Variants in HDAC4 observed in about 807,000 individuals in gnomAD.
HDAC4 encodes the protein histone deacetylase A.
HDAC4 carries 16 observed loss-of-function variants against 135.1 expected under a neutral mutation model. That is an observed-to-expected ratio of 0.12 (90% CI 0.08 to 0.18). The LOEUF (loss-of-function observed/expected upper bound fraction) is 0.18, where lower values mean the gene tolerates loss of function less well. Among genes scored for constraint, HDAC4 ranks in the 10% least tolerant of loss-of-function variants. The probability of loss-of-function intolerance (pLI) is 1.00; values close to 1 mark genes in which losing one functional copy is unlikely to be tolerated. For synonymous variants in HDAC4, 685 were observed against 653.4 expected (o/e 1.05, Z -0.74); for missense variants, 1,143 against 1,511.8 (o/e 0.76, Z 4.05).
chr2:239,361,036 G>A (rs1010320876), intron 1 of HDAC4, among the ~76,000 whole-genome samples: 4 of 152,106 alleles, frequency 2.6e-5, no homozygotes, highest in Admixed American at 6.5e-5. Flanking sequence ...CACCCCAGAC[G>A]CTCATTCCTG....
intron 2 of HDAC4, among the ~76,000 whole-genome samples, chr2:239,345,216 T>C (rs895894476): frequency 6.6e-6 from 1 of 152,194 alleles, no homozygotes; most frequent in Non-Finnish European, 1.5e-5. Context: ...CTTGGGTTAA[T>C]TGCAGGTCTT....
intron 11 of HDAC4, among the ~76,000 whole-genome samples, chr2:239,127,791 G>A (rs992091329): frequency 6.6e-6 from 1 of 152,224 alleles, no homozygotes; most frequent in Middle Eastern, 3.2e-3. Flanking sequence ...GACCTCCAGG[G>A]ATACCAAGGT....
chr2:239,348,188 C>T (rs1038635487), intron 2 of HDAC4, among the ~76,000 whole-genome samples: 3 of 148,742 alleles, frequency 2.0e-5, no homozygotes, highest in Non-Finnish European at 4.4e-5. Context: ...AGAGCACCAT[C>T]CCGCTGACCA....
chr2:239,072,117 C>G (rs1413156598), intron 22 of HDAC4, among the ~76,000 whole-genome samples: 1 of 152,194 alleles, frequency 6.6e-6, no homozygotes, highest in Non-Finnish European at 1.5e-5. Flanking sequence ...CCAAGCTTCA[C>G]TGTAAACTTG....
At chr2:239,357,781 C>T (rs532719587) in intron 1 of HDAC4, among the ~76,000 whole-genome samples, 1 of 148,462 alleles carries the variant, frequency 6.7e-6, no homozygotes, top group African/African-American at 2.5e-5. Context: ...CCCAGCTACT[C>T]GGGAGGCTGA....
At chr2:239,053,210 G>A in intron 26 of HDAC4, 74 bp from the exon 27 acceptor site, 3 of 1,576,156 alleles carry the variant, frequency 1.9e-6, no homozygotes, top group Non-Finnish European at 2.6e-6. Flanking sequence ...CAGAACGTGG[G>A]TTAAAGGCTG....
At chr2:239,191,001 C>A (rs1319759189) in intron 3 of HDAC4, 1 of 465,112 alleles carries the variant, frequency 2.2e-6, no homozygotes, top group East Asian at 7.0e-5. Flanking sequence ...CTGCTCCTGG[C>A]ACAGCCCAGG....
chr2:239,294,781 G>A (rs1182320147), intron 2 of HDAC4, among the ~76,000 whole-genome samples: 1 of 152,144 alleles, frequency 6.6e-6, no homozygotes, highest in Non-Finnish European at 1.5e-5. Context: ...TTCCTCATCT[G>A]TAAAATGGGG....
At chr2:239,098,964 C>G (rs1270184836) in intron 16 of HDAC4, among the ~76,000 whole-genome samples, 2 of 152,194 alleles carry the variant, frequency 1.3e-5, no homozygotes, top group Non-Finnish European at 2.9e-5. Flanking sequence ...GAATGATCAA[C>G]CTTCCTGTAA....
intron 1 of HDAC4, among the ~76,000 whole-genome samples, chr2:239,386,141 G>A (rs1282824523): frequency 6.6e-6 from 1 of 151,978 alleles, no homozygotes; most frequent in Admixed American, 6.6e-5. Context: ...AAGGAAGGCT[G>A]AGAGTCGGAG....
At chr2:239,188,605 C>T (rs926363109) in intron 4 of HDAC4, among the ~76,000 whole-genome samples, 4 of 152,252 alleles carry the variant, frequency 2.6e-5, no homozygotes, top group East Asian at 1.9e-4. Flanking sequence ...ACAGTTGCCA[C>T]GAACCACGTG....
At chr2:239,381,728 T>C (rs751392807) in intron 1 of HDAC4, among the ~76,000 whole-genome samples, 19 of 152,326 alleles carry the variant, frequency 1.2e-4, no homozygotes, top group Admixed American at 3.3e-4. Flanking sequence ...CATTGTCCCA[T>C]GTGCTGTAGA....
At chr2:239,270,364 T>A (rs1222061349) in intron 2 of HDAC4, among the ~76,000 whole-genome samples, 1 of 152,054 alleles carries the variant, frequency 6.6e-6, no homozygotes, top group African/African-American at 2.4e-5. Flanking sequence ...CCCCGATGTA[T>A]TCAACTGGAA....
At chr2:239,277,849 G>A (rs1007607985) in intron 2 of HDAC4, among the ~76,000 whole-genome samples, 4 of 152,118 alleles carry the variant, frequency 2.6e-5, no homozygotes, top group African/African-American at 9.7e-5. Flanking sequence ...CAGATCTGCC[G>A]GAAACAAATA....
At chr2:239,102,692 C>G in intron 16 of HDAC4, 84 bp downstream of exon 16, 1 of 1,533,518 alleles carries the variant, frequency 6.5e-7, no homozygotes, top group Non-Finnish European at 9.0e-7. Flanking sequence ...CACAGGTGCC[C>G]CAGACACAAG....
rs1467918756 is a variant in HDAC4, at chr2:239,134,651, C to A, written c.979-8G>T. 1.9e-6 allele frequency: 3 copies of A among 1,604,904 alleles called. No individual in the cohort carries two copies. The Admixed American group carries it at 5.0e-5, about 27-fold the overall frequency. ...TCTGTGCGCCAAACTCGTCTGGGGACAGAACACACGATGACCATCACAGTC... is the reference window on the plus strand; with the variant it reads ...TCTGTGCGCCAAACTCGTCTGGGGAAAGAACACACGATGACCATCACAGTC... On this transcript the variant is annotated splice_polypyrimidine_tract_variant and splice_region_variant and intron_variant, in intron 9 of 26. Transcript: ENST00000543185.
At chr2:239,375,903 C>A (rs1355601782) in intron 1 of HDAC4, among the ~76,000 whole-genome samples, 1 of 152,186 alleles carries the variant, frequency 6.6e-6, no homozygotes, top group Non-Finnish European at 1.5e-5. Context: ...GAGGGGGGTG[C>A]CTGGCAGTCA....
At chr2:239,316,038 G>C (rs534983261) in intron 2 of HDAC4, among the ~76,000 whole-genome samples, 7 of 152,224 alleles carry the variant, frequency 4.6e-5, no homozygotes, top group African/African-American at 1.7e-4. Context: ...TACAAACTGT[G>C]TGAACAGAGA....
At chr2:239,150,029 A>G (rs1007373708) in intron 7 of HDAC4, among the ~76,000 whole-genome samples, 1 of 152,228 alleles carries the variant, frequency 6.6e-6, no homozygotes, top group Non-Finnish European at 1.5e-5. Flanking sequence ...GTAACCAGAA[A>G]ACAGTCCAAC....
Sources: allele counts gnomAD v4.1 joint callset (sites outside exome capture counted in the v4.1 genomes callset), GRCh38; gene constraint gnomAD v4.1.1; transcripts MANE v1.5; gene names NCBI Gene and HGNC (gene_info 2026-07-23, HGNC 2026-07-21).